KAZN: variants seen among roughly 807,000 people sequenced by gnomAD.
The protein encoded by KAZN is kazrin.
Under a neutral mutation model 87.4 loss-of-function variants are expected in KAZN, and 40 were observed. The observed-to-expected ratio is 0.46, with a 90% CI of 0.36 to 0.60. The LOEUF (loss-of-function observed/expected upper bound fraction) is 0.60, where lower values mean the gene tolerates loss of function less well. Among genes scored for constraint, KAZN ranks in the 20% least tolerant of loss-of-function variants. KAZN has a pLI of 0.00. For missense variants in KAZN, 898 were observed against 1,073.9 expected, an observed-to-expected ratio of 0.84 and a Z score of 2.29; for synonymous variants, 466 against 458.3, an observed-to-expected ratio of 1.02 and a Z score of -0.22.
chr1:15,063,386 C>A, intron 6 of KAZN, 186 bp from the exon 7 acceptor site: 1 of 620,786 alleles, frequency 1.6e-6, no homozygotes, highest in Non-Finnish European at 2.9e-6. Context: ...AACTCCAGGC[C>A]CCATCAATAA....
chr1:14,603,984 T>A (rs533407149), intron 1 of KAZN, among the ~76,000 whole-genome samples: 160 of 152,332 alleles, frequency 1.1e-3, no homozygotes, highest in Admixed American at 5.8e-3. Context: ...CTGGGCTATG[T>A]AGGTAAGGAC....
chr1:14,733,121 GGCTGCA>G (rs1422401431), intron 1 of KAZN, among the ~76,000 whole-genome samples: 7 of 152,200 alleles, frequency 4.6e-5, no homozygotes, highest in Admixed American at 1.3e-4. Flanking sequence ...GGGGATCTGT[GGCTGCA>G]AAGCGGATCA....
At chr1:14,371,391 T>A (rs752145966) in intron 2 of KAZN, among the ~76,000 whole-genome samples, 1 of 152,210 alleles carries the variant, frequency 6.6e-6, no homozygotes, top group Non-Finnish European at 1.5e-5. Flanking sequence ...ATGGAGACCA[T>A]GCTTTTAGGG....
chr1:14,989,689 A>T (rs1018467008), intron 2 of KAZN, among the ~76,000 whole-genome samples: 3 of 152,062 alleles, frequency 2.0e-5, no homozygotes, highest in Admixed American at 1.3e-4. Flanking sequence ...TAGTAGTAGA[A>T]CCTGCCTGGG....
At chr1:14,523,279 C>A (rs919326500) in intron 2 of KAZN, among the ~76,000 whole-genome samples, 3 of 152,174 alleles carry the variant, frequency 2.0e-5, no homozygotes, top group African/African-American at 7.2e-5. Flanking sequence ...TTCAAAGATT[C>A]TCTCGCTCTT....
At chr1:14,748,987 A>G (rs567147105) in intron 1 of KAZN, among the ~76,000 whole-genome samples, 8 of 152,348 alleles carry the variant, frequency 5.3e-5, no homozygotes, top group African/African-American at 9.6e-5. Context: ...AAAGACCACA[A>G]AGTAATCAAA....
intron 1 of KAZN, among the ~76,000 whole-genome samples, chr1:14,114,667 A>G (rs1289600862): frequency 6.6e-6 from 1 of 152,202 alleles, no homozygotes; most frequent in African/African-American, 2.4e-5. Flanking sequence ...TTCACATATC[A>G]GGTTGGAAAA....
intron 1 of KAZN, among the ~76,000 whole-genome samples, chr1:14,071,437 A>C (rs896380304): frequency 2.0e-4 from 31 of 152,316 alleles, no homozygotes; most frequent in African/African-American, 7.0e-4. Context: ...AAGAGTACAA[A>C]GGGTTGCTAC....
At chr1:14,405,874 C>CT (rs34841662) in intron 2 of KAZN, among the ~76,000 whole-genome samples, 23,425 of 151,848 alleles carry the variant, frequency 0.15, 1,866 homozygotes, top group East Asian at 0.23. Flanking sequence ...GAGGATCAAC[C>CT]TTTTTGTTCT....
chr1:14,314,580 C>T (rs1055322931), intron 2 of KAZN, among the ~76,000 whole-genome samples: 6 of 152,128 alleles, frequency 3.9e-5, no homozygotes, highest in South Asian at 4.1e-4. Context: ...TTCCACTCTA[C>T]GCAGTTCTCA....
chr1:14,356,103 C>CT (rs1315983476), intron 2 of KAZN, among the ~76,000 whole-genome samples: 1 of 152,162 alleles, frequency 6.6e-6, no homozygotes, highest in African/African-American at 2.4e-5. Context: ...TGTTTCCTGA[C>CT]TTTTTAATGA....
intron 1 of KAZN, among the ~76,000 whole-genome samples, chr1:14,075,216 T>C (rs1411777079): frequency 6.6e-6 from 1 of 152,206 alleles, no homozygotes; most frequent in Non-Finnish European, 1.5e-5. Context: ...AAATCCTCAG[T>C]GCAATCAGAG....
At chr1:14,107,046 TCTTCCTTC>T (rs376917946) in intron 1 of KAZN, among the ~76,000 whole-genome samples, 3 of 115,556 alleles carry the variant, frequency 2.6e-5, no homozygotes, top group South Asian at 3.6e-4. Context: ...TCCCTTCCTT[TCTTCCTTC>T]CTTCCTTCCT....
At chr1:14,417,506 A>G (rs955442865) in intron 2 of KAZN, among the ~76,000 whole-genome samples, 3 of 152,198 alleles carry the variant, frequency 2.0e-5, no homozygotes, top group Admixed American at 6.5e-5. Flanking sequence ...AGTGCCATGG[A>G]GTCAATGAAA....
At chr1:15,016,754 A>G (rs1392400050) in intron 2 of KAZN, among the ~76,000 whole-genome samples, 1 of 152,148 alleles carries the variant, frequency 6.6e-6, no homozygotes, top group African/African-American at 2.4e-5. Flanking sequence ...TTGCTGCCTC[A>G]GGGCCTTTGC....
intron 2 of KAZN, among the ~76,000 whole-genome samples, chr1:14,376,089 C>A (rs1660895768): frequency 6.6e-6 from 1 of 152,116 alleles, no homozygotes; most frequent in Non-Finnish European, 1.5e-5. Context: ...GAGGAGTGTT[C>A]ATGGACCCAG....
chr1:14,196,125 G>A (rs1433588176), intron 2 of KAZN, among the ~76,000 whole-genome samples: 1 of 152,128 alleles, frequency 6.6e-6, no homozygotes, highest in African/African-American at 2.4e-5. Context: ...TCAACTTTTT[G>A]AGGAACAACC....
At chr1:14,485,892 CAAAA>C (rs1038275850) in intron 2 of KAZN, among the ~76,000 whole-genome samples, 2 of 85,536 alleles carry the variant, frequency 2.3e-5, no homozygotes, top group Admixed American at 1.3e-4. Context: ...GACTCCATCT[CAAAA>C]AAAAAAAAAA....
chr1:14,592,238 A>C (rs1001270432), intron 2 of KAZN, among the ~76,000 whole-genome samples: 3 of 152,082 alleles, frequency 2.0e-5, no homozygotes, highest in African/African-American at 7.2e-5. Flanking sequence ...AGGGAGGGTA[A>C]CTCCCCAAGG....
Sources: allele counts gnomAD v4.1 joint callset (sites outside exome capture counted in the v4.1 genomes callset), GRCh38; gene constraint gnomAD v4.1.1; transcripts MANE v1.5; gene names NCBI Gene and HGNC (gene_info 2026-07-23, HGNC 2026-07-21).